Variants in REEP5 observed in about 807,000 individuals in gnomAD.
REEP5 encodes receptor accessory protein 5.
Under a neutral mutation model 22.4 loss-of-function variants are expected in REEP5, and 24 were observed. The observed-to-expected ratio is 1.07, with a 90% CI of 0.78 to 1.51. The LOEUF (loss-of-function observed/expected upper bound fraction) is 1.51, where lower values mean the gene tolerates loss of function less well. Among genes scored for constraint, REEP5 ranks in the 40% most tolerant of loss-of-function variants. REEP5 has a pLI of 0.00. For missense variants in REEP5, 252 were observed against 233.0 expected, an observed-to-expected ratio of 1.08 and a Z score of -0.53; for synonymous variants, 103 against 88.6, an observed-to-expected ratio of 1.16 and a Z score of -0.92.
At chr5:112,911,603 C>A (rs572615449) in intron 2 of REEP5, among the ~76,000 whole-genome samples, 102 of 152,258 alleles carry the variant, frequency 6.7e-4, no homozygotes, top group African/African-American at 2.4e-3. Flanking sequence ...TCTTACCATG[C>A]AAAATAGATC....
chr5:112,895,183 G>A (rs1229018006), intron 3 of REEP5: 1 of 135,810 alleles, frequency 7.4e-6, no homozygotes, highest in Non-Finnish European at 1.5e-5. Flanking sequence ...AGGTTACAGT[G>A]AGCTGAGATT....
intron 3 of REEP5, chr5:112,894,206 G>A (rs461424): frequency 0.34 from 50,570 of 148,756 alleles, 8,562 homozygotes; most frequent in African/African-American, 0.37. Context: ...TGCAACCTCC[G>A]CCTCCCAGAT....
intron 3 of REEP5, among the ~76,000 whole-genome samples, chr5:112,898,900 A>G (rs1768775109): frequency 6.6e-6 from 1 of 152,224 alleles, no homozygotes; most frequent in African/African-American, 2.4e-5. Flanking sequence ...TTTTGAAAGG[A>G]AAATTCTTAA....
At chr5:112,909,401 TAAG>T (rs1769040320) in intron 2 of REEP5, among the ~76,000 whole-genome samples, 1 of 151,946 alleles carries the variant, frequency 6.6e-6, no homozygotes, top group South Asian at 2.1e-4. Flanking sequence ...AAGAGAGAGA[TAAG>T]AAGACTCTAG....
At chr5:112,916,933 G>A (rs1332461294) in intron 2 of REEP5, among the ~76,000 whole-genome samples, 1 of 152,184 alleles carries the variant, frequency 6.6e-6, no homozygotes, top group East Asian at 1.9e-4. Context: ...ACAGAGATAT[G>A]TACATATCTG....
intron 2 of REEP5, among the ~76,000 whole-genome samples, chr5:112,915,103 CTCAT>C (rs1233017220): frequency 6.6e-6 from 1 of 151,904 alleles, no homozygotes; most frequent in Non-Finnish European, 1.5e-5. Flanking sequence ...AAACTGAGTC[CTCAT>C]TCAAAGTCAG....
intron 2 of REEP5, among the ~76,000 whole-genome samples, chr5:112,909,810 G>T (rs928455550): frequency 2.0e-5 from 3 of 152,182 alleles, no homozygotes; most frequent in African/African-American, 7.2e-5. Flanking sequence ...AAGAACCAAG[G>T]ATGGCCAAAG....
At chr5:112,918,311 T>C (rs1166433501) in intron 2 of REEP5, among the ~76,000 whole-genome samples, 1 of 152,120 alleles carries the variant, frequency 6.6e-6, no homozygotes, top group African/African-American at 2.4e-5. Context: ...TGGGCAAGTC[T>C]TCAACCATCT....
At chr5:112,901,890 G>T (rs189960407) in intron 3 of REEP5, among the ~76,000 whole-genome samples, 1 of 150,762 alleles carries the variant, frequency 6.6e-6, no homozygotes, top group Middle Eastern at 3.5e-3. Flanking sequence ...TTGAACCTGG[G>T]GGGTGGAGGT....
chr5:112,879,826 C>T (rs1012151780), intron 4 of REEP5, among the ~76,000 whole-genome samples: 3 of 151,962 alleles, frequency 2.0e-5, no homozygotes, highest in Non-Finnish European at 2.9e-5. Flanking sequence ...TGCCTGTAAT[C>T]GCAGCACTTT....
At chr5:112,884,201 A>C (rs116323179) in intron 4 of REEP5, among the ~76,000 whole-genome samples, 90 of 152,246 alleles carry the variant, frequency 5.9e-4, no homozygotes, top group African/African-American at 2.0e-3. Flanking sequence ...GTAGAAGCCA[A>C]ACCTTTACAA....
chr5:112,894,752 G>C (rs1007705312), intron 3 of REEP5: 1 of 152,098 alleles, frequency 6.6e-6, no homozygotes, highest in Non-Finnish European at 1.5e-5. Context: ...TAGTGAATTC[G>C]TTGAGTTTTA....
At chr5:112,922,040 C>T (rs751379943) in intron 1 of REEP5, 33 bp downstream of exon 1, 1 of 1,575,454 alleles carries the variant, frequency 6.3e-7, no homozygotes, top group Non-Finnish European at 8.6e-7. Flanking sequence ...GCTCCCGTGG[C>T]CCTACCAGCG....
chr5:112,879,162 G>C (rs561911530), intron 4 of REEP5, among the ~76,000 whole-genome samples: 20 of 152,228 alleles, frequency 1.3e-4, no homozygotes, highest in Non-Finnish European at 2.9e-4. Flanking sequence ...TAAGAGTAGT[G>C]TTCAAATTCT....
At chr5:112,890,488 C>T (rs533096666) in intron 3 of REEP5, among the ~76,000 whole-genome samples, 1 of 150,272 alleles carries the variant, frequency 6.7e-6, no homozygotes, top group Non-Finnish European at 1.5e-5. Context: ...CCCGCCTCAG[C>T]CCCCCAGGTA....
intron 3 of REEP5, among the ~76,000 whole-genome samples, chr5:112,898,760 T>C (rs929790827): frequency 6.6e-6 from 1 of 152,260 alleles, no homozygotes; most frequent in African/African-American, 2.4e-5. Flanking sequence ...GTTTAAATTA[T>C]GTCATGTCCA....
intron 2 of REEP5, among the ~76,000 whole-genome samples, chr5:112,904,579 A>C (rs1768914772): frequency 6.6e-6 from 1 of 152,220 alleles, no homozygotes; most frequent in African/African-American, 2.4e-5. Context: ...AAAAACCTCA[A>C]AATGTGATGG....
At position 112,892,769 on chromosome 5, in the gene REEP5, A is replaced by G. The variant is rs1364077926; in HGVS notation, c.352-5586T>C. ...AGGGAGAAGATGGGCCACCACGACC[A>G]CTACTACAGCAGGCAGCGGGGAAGG... On this transcript the variant is annotated intron_variant, in intron 3 of 4. Transcript: ENST00000379638. The G allele has an allele frequency of 1.9e-6, 3 of 1,614,060 alleles. No individual in the cohort carries two copies. In the Admixed American group the frequency reaches 5.0e-5, roughly 27 times the overall value.
chr5:112,901,689 G>A (rs1229749424), intron 3 of REEP5, among the ~76,000 whole-genome samples: 3 of 151,212 alleles, frequency 2.0e-5, no homozygotes, highest in Non-Finnish European at 4.4e-5. Context: ...TCTAGCCTGG[G>A]CAACAGACCA....
Sources: gnomAD v4.1 joint callset for allele counts (sites outside exome capture counted in the v4.1 genomes callset) on GRCh38, gnomAD v4.1.1 for gene constraint, MANE v1.5 for transcripts, NCBI Gene and HGNC (gene_info 2026-07-23, HGNC 2026-07-21) for gene names.